The following KCNT1 variants were observed in gnomAD, a reference collection of about 807,000 sequenced individuals.
KCNT1 encodes potassium channel subfamily T member 1.
A neutral mutation model predicts 147.8 loss-of-function variants in KCNT1; 78 were observed. The observed-to-expected ratio is 0.53, with a 90% CI of 0.44 to 0.64. The LOEUF (loss-of-function observed/expected upper bound fraction) is 0.64, where lower values mean the gene tolerates loss of function less well. KCNT1 is among the 30% of genes least tolerant of loss of function. The pLI is 0.00. For missense variants in KCNT1, 1,419 were observed against 1,750.3 expected (o/e 0.81, Z 3.38); for synonymous variants, 867 against 748.8 (o/e 1.16, Z -2.58).
chr9:135,705,971 G>A (rs568835938), intron 1 of KCNT1, among the ~76,000 whole-genome samples: 1 of 152,286 alleles, frequency 6.6e-6, no homozygotes, highest in South Asian at 2.1e-4. Context: ...GGAGATGGAG[G>A]GCATTGCAGG....
intron 29 of KCNT1, 117 bp from the exon 30 acceptor site, chr9:135,791,672 AGCAGAATG>A: frequency 1.3e-6 from 1 of 798,158 alleles, no homozygotes; most frequent in Non-Finnish European, 2.1e-6. Context: ...GAGGTGCTGG[AGCAGAATG>A]GTCAGGAAGG....
At chr9:135,742,913 C>T in intron 2 of KCNT1, 1 of 690,682 alleles carries the variant, frequency 1.4e-6, no homozygotes, top group Non-Finnish European at 2.7e-6. Context: ...CCCAGCATCC[C>T]CTGCAGCTGG....
chr9:135,772,904 A>T lies in KCNT1; in HGVS notation c.2198A>T (p.Glu733Val). ...TGCGACCTGCTGAGCGACCAGTCGG[A>T]GGATGAGGTGACGCCGTCGGACGAC... is the stretch of plus-strand genomic sequence containing the variant. ...LPCDLLSDQS[E>V]DEVTPSDDEG... is the part of the protein sequence containing the mutation. The change falls in exon 19 of 31, where the codon GAG (glutamate) becomes GTG (valine). Residue 733 changes from glutamate (E) to valine (V), a missense_variant. Glu to Val is a moderately radical substitution (Grantham distance 121, BLOSUM62 -2). This residue lies in a region of KCNT1 where 284 missense variants were observed against 292.8 expected (regional missense o/e 0.97). Coordinates refer to ENST00000371757, the MANE Select transcript of KCNT1 (RefSeq NM_020822.3). 6.5e-7 allele frequency: 1 copy of T among 1,549,750 alleles called. No individual in the cohort carries two copies. The highest frequency in any genetic ancestry group is 1.4e-5 in the African/African-American group (1 of 73,130).
At position 135,752,602 on chromosome 9, in the gene KCNT1, T is replaced by C. The variant is rs1020224653; in HGVS notation, c.435-1335T>C. ...GGTGGGAAGATGGGTGGATGATGGA[T>C]GGATGGTTGGATGGATGGTGGATGA... On this transcript the variant is annotated intron_variant, in intron 4 of 30. Coordinates refer to ENST00000371757, the MANE Select transcript of KCNT1 (RefSeq NM_020822.3). This position sits in a 1 kb window ranked among gnomAD's most constrained non-coding sequence, Gnocchi z 5.1. 2.0e-5 allele frequency: 7 copies of C among 350,974 alleles called. No individual in the cohort carries two copies. Among genetic ancestry groups the C allele is most frequent in the Non-Finnish European group, 3.4e-5 (6 of 176,832 alleles). The allele number at this position is 350,974 out of a possible 1,614,324, so 21.7% of individuals were successfully genotyped here.
At chr9:135,721,166 A>T (rs989332679) in intron 2 of KCNT1, among the ~76,000 whole-genome samples, 1 of 151,888 alleles carries the variant, frequency 6.6e-6, no homozygotes, top group Non-Finnish European at 1.5e-5. Flanking sequence ...GTGGCCCCCA[A>T]CGCTCTCGGC....
In KCNT1 at chr9:135,704,702, C is replaced by T. The variant is rs990666623; in HGVS notation, c.110+2334C>T. On this transcript the variant is annotated intron_variant, in intron 1 of 30. Coordinates refer to ENST00000371757, the MANE Select transcript of KCNT1 (RefSeq NM_020822.3). ...GCTGTGCTCCAGGGCGGGCCTGGGA[C>T]CCTCTAGGCCCTGATGGGATCAGGC... is the stretch of plus-strand genomic sequence containing the variant. Among the ~76,000 whole-genome samples the T allele has an allele frequency of 1.2e-4, 19 of 152,326 alleles. No homozygotes were observed. In the Middle Eastern group the frequency reaches 0.014, roughly 109 times the overall value.
In KCNT1 at chr9:135,765,635, G is replaced by A. The variant is rs1420699651; in HGVS notation, c.1212G>A (p.Val404=). ...YAHPRLQDYY[V]VILCPTEMDV... ...CGCCTGGCCGGCAGGACTATTACGT[G>A]GTCATCCTGTGCCCCACGGAGATGG... The change falls in exon 13 of 31, where the codon GTG becomes GTA. Residue 404 remains valine, a synonymous_variant. Transcript: ENST00000371757. The A allele has an allele frequency of 6.2e-7, 1 of 1,610,226 alleles. No homozygotes were observed. The highest frequency in any genetic ancestry group is 8.5e-7 in the Non-Finnish European group (1 of 1,178,580).
intron 2 of KCNT1, among the ~76,000 whole-genome samples, chr9:135,748,626 C>T (rs1830974107): frequency 1.3e-5 from 2 of 152,202 alleles, no homozygotes; most frequent in Admixed American, 6.5e-5. Flanking sequence ...TTACCTCCCC[C>T]GACTTCTGGA....
chr9:135,790,006 C>T (rs1440073128), intron 29 of KCNT1: 3 of 152,442 alleles, frequency 2.0e-5, no homozygotes, highest in Admixed American at 2.0e-4. Flanking sequence ...CCCCCTAGCC[C>T]AGCCCCAAGA....
At chr9:135,729,406 GC>G (rs1437474902) in intron 2 of KCNT1, among the ~76,000 whole-genome samples, 2 of 152,266 alleles carry the variant, frequency 1.3e-5, no homozygotes, top group Non-Finnish European at 2.9e-5. Flanking sequence ...AGGGGATTCC[GC>G]AGATGGCGGG....
Position 135,759,661 on chromosome 9 carries a change from C to T in KCNT1, c.855-18C>T. The stretch of plus-strand genomic sequence containing the variant: ...AGCTCCTGGGCCCCAGGCCGCCCCT[C>T]ACTGCCAGGGGTTGCAGGACCTGCG... On this transcript the variant is annotated intron_variant, in intron 10 of 30. Transcript: ENST00000371757. 7 of 1,583,392 alleles carry T rather than the reference C, an allele frequency of 4.4e-6. No homozygotes were observed. Among genetic ancestry groups the T allele is most frequent in the East Asian group, 2.3e-5 (1 of 44,402 alleles).
chr9:135,775,033 CACTGCCCTG>C (rs1323550253), intron 19 of KCNT1, among the ~76,000 whole-genome samples: 3 of 152,216 alleles, frequency 2.0e-5, no homozygotes, highest in South Asian at 4.1e-4. Flanking sequence ...GTGCCCTGGG[CACTGCCCTG>C]ACTGCCCTGC....
chr9:135,746,052 G>T lies in KCNT1; in HGVS notation c.255-4046G>T, dbSNP rs150154429. Among the ~76,000 whole-genome samples, 25 of 152,364 alleles carry T rather than the reference G, an allele frequency of 1.6e-4. No individual in the cohort carries two copies. The East Asian group carries it at 4.4e-3, about 27-fold the overall frequency. Reference sequence around the variant, plus strand: ...GCTGCGTGACTCGTGAAGACAGATCGCACCAGTCACCTGAAATACACTGCA... The same window carrying T: ...GCTGCGTGACTCGTGAAGACAGATCTCACCAGTCACCTGAAATACACTGCA... On this transcript the variant is annotated intron_variant, in intron 2 of 30. Transcript: ENST00000371757.
chr9:135,774,697 A>G (rs112014788), intron 19 of KCNT1, among the ~76,000 whole-genome samples: 5,464 of 151,850 alleles, frequency 0.036, 140 homozygotes, highest in Middle Eastern at 0.11. Context: ...ACGTGTGCAT[A>G]CGCCTGCATG....
At chr9:135,735,298 C>T (rs1015828967) in intron 2 of KCNT1, among the ~76,000 whole-genome samples, 3 of 152,216 alleles carry the variant, frequency 2.0e-5, no homozygotes, top group Admixed American at 6.5e-5. Context: ...TGGTCATTTT[C>T]TGAGCATGAT....
rs571118373 is a variant in KCNT1 at position 135,751,070 on chromosome 9, G to A, written c.434+29G>A. The A allele has an allele frequency of 1.3e-4, 213 of 1,586,404 alleles. 1 individual carries two copies. The South Asian group carries it at 2.3e-3, about 17-fold the overall frequency. On this transcript the variant is annotated intron_variant, in intron 4 of 30. Transcript: ENST00000371757. ...GGCCACGTGCGCGGCCGGGCGCGGG[G>A]TCCCGGGTCCCAGGGCTGAGCCTTC...
At chr9:135,751,138 C>CAT in intron 4 of KCNT1, 97 bp downstream of exon 4, 2 of 1,183,108 alleles carry the variant, frequency 1.7e-6, no homozygotes, top group Non-Finnish European at 2.5e-6. Context: ...CTGGGGGAGC[C>CAT]CCTGTGCCTG....
chr9:135,786,456 G>T lies in KCNT1; in HGVS notation c.3437G>T (p.Arg1146Leu), dbSNP rs368339692. Residue 1146 changes from arginine (R) to leucine (L), a missense_variant, in exon 29 of 31, where the codon CGC becomes CTC. This residue lies in a region of KCNT1 where 306 missense variants were observed against 294.2 expected (regional missense o/e 1.04). Coordinates refer to ENST00000371757, the MANE Select transcript of KCNT1 (RefSeq NM_020822.3). ...CTCAGCCTGTACCGGCGCTCTGAGC[G>T]CCAGGAGCTCTCCGAGCTGGTGAAG... ...QRLSLYRRSE[R>L]QELSELVKNR... The T allele has an allele frequency of 6.2e-7, 1 of 1,600,736 alleles. No homozygotes were observed. Among genetic ancestry groups the T allele is most frequent in the South Asian group, 1.1e-5 (1 of 89,620 alleles).
At chr9:135,786,172 C>T (rs1277607525) in intron 28 of KCNT1, 25 bp from the exon 29 acceptor site, 2 of 1,093,742 alleles carry the variant, frequency 1.8e-6, no homozygotes, top group Middle Eastern at 2.7e-4. Context: ...CCCCTCCCCG[C>T]CCTGCCCTGC....
Sources: gnomAD v4.1 joint callset for allele counts (sites outside exome capture counted in the v4.1 genomes callset) on GRCh38, gnomAD v4.1.1 for gene constraint, gnomAD v4.1.1 regional missense constraint, Gnocchi (gnomAD v3.1) non-coding constraint, MANE v1.5 for transcripts, NCBI Gene and HGNC (gene_info 2026-07-23, HGNC 2026-07-21) for gene names.